Variants in SORCS3 observed in about 807,000 individuals in gnomAD.
SORCS3 encodes the protein VPS10 domain-containing receptor SorCS3.
A neutral mutation model predicts 146.3 loss-of-function variants in SORCS3; 57 were observed. The ratio of observed to expected loss-of-function variants is 0.39; its 90% CI spans 0.31 to 0.49. SORCS3 has a LOEUF of 0.49. Among genes scored for constraint, SORCS3 ranks in the 20% least tolerant of loss-of-function variants. The probability of loss-of-function intolerance (pLI) is 0.92; values close to 1 mark genes in which losing one functional copy is unlikely to be tolerated. For synonymous variants in SORCS3, 653 were observed against 618.5 expected (o/e 1.06, Z -0.83); for missense variants, 1,341 against 1,575.5 (o/e 0.85, Z 2.52).
At chr10:105,176,548 T>C (rs1294514819) in intron 13 of SORCS3, among the ~76,000 whole-genome samples, 1 of 151,382 alleles carries the variant, frequency 6.6e-6, no homozygotes, top group East Asian at 2.0e-4. Context: ...GTGAGACCCT[T>C]GTCTCTTTAA....
intron 16 of SORCS3, among the ~76,000 whole-genome samples, chr10:105,207,518 T>C (rs1299606602): frequency 1.3e-5 from 2 of 152,144 alleles, no homozygotes; most frequent in Non-Finnish European, 2.9e-5. Context: ...AATCAAACTT[T>C]CTGGTGCATT....
intron 3 of SORCS3, among the ~76,000 whole-genome samples, chr10:104,935,926 G>T (rs1162303361): frequency 1.3e-5 from 2 of 152,136 alleles, no homozygotes; most frequent in Non-Finnish European, 2.9e-5. Flanking sequence ...AAAGGTGTTG[G>T]GCTCAGTACA....
intron 3 of SORCS3, among the ~76,000 whole-genome samples, chr10:104,970,229 CTCCACCTCTAGGGT>C (rs1214113749): frequency 2.0e-5 from 3 of 152,100 alleles, no homozygotes; most frequent in African/African-American, 4.8e-5. Flanking sequence ...TCACTGCAAC[CTCCACCTCTAGGGT>C]TCAAGTGATT....
At chr10:104,653,411 A>G (rs2015586735) in intron 1 of SORCS3, among the ~76,000 whole-genome samples, 1 of 151,798 alleles carries the variant, frequency 6.6e-6, no homozygotes, top group African/African-American at 2.4e-5. Flanking sequence ...ATTTCTATTT[A>G]TTTTACTCTT....
intron 20 of SORCS3, among the ~76,000 whole-genome samples, chr10:105,239,119 G>A (rs574351110): frequency 1.1e-4 from 16 of 152,246 alleles, no homozygotes; most frequent in Middle Eastern, 3.4e-3. Context: ...CACTAGTTTA[G>A]TTGAGTTTTA....
intron 1 of SORCS3, among the ~76,000 whole-genome samples, chr10:104,789,071 A>C (rs2017468282): frequency 6.6e-6 from 1 of 152,144 alleles, no homozygotes; most frequent in African/African-American, 2.4e-5. Context: ...TCAAAGAGAT[A>C]ATCTCTGTGT....
intron 1 of SORCS3, among the ~76,000 whole-genome samples, chr10:104,829,019 C>T (rs1359611159): frequency 6.6e-6 from 1 of 152,154 alleles, no homozygotes; most frequent in African/African-American, 2.4e-5. Flanking sequence ...TCATCAAAGC[C>T]TCTCATCCAC....
chr10:104,878,111 A>G (rs1278380058), intron 2 of SORCS3, among the ~76,000 whole-genome samples: 1 of 152,078 alleles, frequency 6.6e-6, no homozygotes, highest in Admixed American at 6.6e-5. Flanking sequence ...CCATTAGCTC[A>G]GGAACAAGAA....
chr10:105,026,179 A>G (rs995113516), intron 4 of SORCS3, among the ~76,000 whole-genome samples: 4 of 152,056 alleles, frequency 2.6e-5, no homozygotes. Flanking sequence ...ATTCTGTTAC[A>G]CATCTTATTG....
At chr10:105,158,772 C>A in intron 10 of SORCS3, 120 bp from the exon 11 acceptor site, 1 of 723,936 alleles carries the variant, frequency 1.4e-6, no homozygotes, top group Non-Finnish European at 2.4e-6. Context: ...AACTGTGTGA[C>A]TCACCATCCA....
At chr10:105,252,537 T>C (rs1401438153) in intron 22 of SORCS3, among the ~76,000 whole-genome samples, 1 of 152,248 alleles carries the variant, frequency 6.6e-6, no homozygotes, top group Admixed American at 6.5e-5. Context: ...GTAATACCAT[T>C]CTAGTTTCAG....
intron 4 of SORCS3, among the ~76,000 whole-genome samples, chr10:104,998,272 A>T (rs370510449): frequency 1.1e-4 from 17 of 152,210 alleles, no homozygotes; most frequent in East Asian, 7.7e-4. Context: ...CAGATGTGTT[A>T]TGTCGGGTGG....
intron 14 of SORCS3, among the ~76,000 whole-genome samples, chr10:105,190,588 G>A (rs948437626): frequency 4.6e-5 from 7 of 152,006 alleles, no homozygotes; most frequent in Admixed American, 3.9e-4. Flanking sequence ...TGGTAGAGAC[G>A]GGACGGGGTT....
intron 1 of SORCS3, among the ~76,000 whole-genome samples, chr10:104,790,316 GAAGT>G (rs927278272): frequency 9.2e-5 from 14 of 151,460 alleles, no homozygotes; most frequent in African/African-American, 2.9e-4. Flanking sequence ...AGTAGATGGA[GAAGT>G]AAGAGAAGAG....
chr10:104,984,704 C>A (rs905561641), intron 4 of SORCS3, among the ~76,000 whole-genome samples: 1 of 151,992 alleles, frequency 6.6e-6, no homozygotes, highest in African/African-American at 2.4e-5. Flanking sequence ...TACATACAGG[C>A]GTATCTTGGA....
chr10:104,939,898 T>C (rs1349311546), intron 3 of SORCS3, among the ~76,000 whole-genome samples: 1 of 152,068 alleles, frequency 6.6e-6, no homozygotes, highest in Non-Finnish European at 1.5e-5. Context: ...GTGATTCTTT[T>C]TGGCTCTCTC....
intron 19 of SORCS3, among the ~76,000 whole-genome samples, chr10:105,218,128 C>T (rs2056676383): frequency 6.6e-6 from 1 of 152,188 alleles, no homozygotes; most frequent in Admixed American, 6.5e-5. Flanking sequence ...AGTCTCCTGG[C>T]TCTCCAGTCA....
At chr10:104,821,304 A>G (rs2017870188) in intron 1 of SORCS3, among the ~76,000 whole-genome samples, 1 of 152,204 alleles carries the variant, frequency 6.6e-6, no homozygotes, top group African/African-American at 2.4e-5. Context: ...TGGGCCACAG[A>G]TGGAGAGATG....
chr10:104,729,132 A>T (rs2016677100), intron 1 of SORCS3, among the ~76,000 whole-genome samples: 1 of 152,238 alleles, frequency 6.6e-6, no homozygotes, highest in Non-Finnish European at 1.5e-5. Flanking sequence ...TAGATTATTT[A>T]AAAAATGGTA....
Sources: allele counts gnomAD v4.1 joint callset (sites outside exome capture counted in the v4.1 genomes callset), GRCh38; gene constraint gnomAD v4.1.1; transcripts MANE v1.5; gene names NCBI Gene and HGNC (gene_info 2026-07-23, HGNC 2026-07-21).